The following SUGCT variants were observed in gnomAD, a reference collection of about 807,000 sequenced individuals.
SUGCT encodes the protein succinyl-CoA:glutarate CoA-transferase.
In SUGCT, 41 loss-of-function variants were observed where a neutral mutation model predicts 55.0. The observed-to-expected ratio is 0.74, with a 90% confidence interval of 0.58 to 0.97. The LOEUF is 0.97. Ranked by LOEUF, SUGCT falls within the 50% of genes least tolerant of loss-of-function variation. SUGCT has a pLI of 0.00. For synonymous variants in SUGCT, 187 were observed against 200.4 expected (o/e 0.93, Z 0.56); for missense variants, 568 against 547.8 (o/e 1.04, Z -0.37).
At chr7:40,289,411 G>C (rs1193121103) in intron 8 of SUGCT, among the ~76,000 whole-genome samples, 1 of 152,030 alleles carries the variant, frequency 6.6e-6, no homozygotes, top group Non-Finnish European at 1.5e-5. Flanking sequence ...TAAAATATTT[G>C]AATATGGCCT....
At chr7:40,858,535 T>C (rs1794316391) in intron 13 of SUGCT, among the ~76,000 whole-genome samples, 1 of 152,104 alleles carries the variant, frequency 6.6e-6, no homozygotes. Context: ...GAGGCATATA[T>C]TGCTTCAAGC....
chr7:41,027,030 T>TA, the SUGCT span, among the ~76,000 whole-genome samples: 3 of 151,904 alleles, frequency 2.0e-5, no homozygotes, highest in Admixed American at 6.6e-5. Flanking sequence ...AGACTCCATC[T>TA]AAAAAAAAGT....
At chr7:41,006,448 T>C in the SUGCT span, among the ~76,000 whole-genome samples, 1 of 129,360 alleles carries the variant, frequency 7.7e-6, no homozygotes, top group South Asian at 2.9e-4. Context: ...TACCTTGCCC[T>C]TTTTTTTATA....
rs926077463 is a variant in SUGCT at position 40,252,791 on chromosome 7, G to A, written c.576+15065G>A. On this transcript the variant is annotated intron_variant, in intron 7 of 13. Transcript: ENST00000335693. The stretch of plus-strand genomic sequence containing the variant: ...GCCTCCTAACTAGCTGGGACTATAC[G>A]CACATGCCACCAGGCCTGGCTAATG... Among the ~76,000 whole-genome samples the A allele has an allele frequency of 3.3e-5, 5 of 152,086 alleles. No homozygotes were observed. In the East Asian group the frequency reaches 9.7e-4, roughly 29 times the overall value.
chr7:40,891,164 C>A, the SUGCT span, among the ~76,000 whole-genome samples: 1 of 152,008 alleles, frequency 6.6e-6, no homozygotes, highest in African/African-American at 2.4e-5. Context: ...TTACGACACA[C>A]AATCAAGGGA....
chr7:40,768,177 TC>T (rs1334355691), intron 13 of SUGCT, among the ~76,000 whole-genome samples: 2 of 152,142 alleles, frequency 1.3e-5, no homozygotes, highest in East Asian at 3.9e-4. Context: ...GTCTTGGGCT[TC>T]TTCTCCTCCA....
At chr7:40,232,486 G>A (rs1788776933) in intron 6 of SUGCT, among the ~76,000 whole-genome samples, 1 of 152,136 alleles carries the variant, frequency 6.6e-6, no homozygotes, top group African/African-American at 2.4e-5. Flanking sequence ...TTGTCAAAGG[G>A]ACCTGTGACC....
the SUGCT span, among the ~76,000 whole-genome samples, chr7:40,937,689 A>G: frequency 6.6e-6 from 1 of 151,954 alleles, no homozygotes; most frequent in East Asian, 1.9e-4. Context: ...CTGAACGTCT[A>G]TTTTGCCTGA....
intron 12 of SUGCT, among the ~76,000 whole-genome samples, chr7:40,519,288 T>G (rs1793405019): frequency 6.6e-6 from 1 of 152,090 alleles, no homozygotes; most frequent in African/African-American, 2.4e-5. Flanking sequence ...ATAAGGACAT[T>G]AGTAAAACAG....
rs868479994 is a variant in SUGCT, at chr7:40,351,803, G to A, written c.816+34948G>A. On this transcript the variant is annotated intron_variant, in intron 9 of 13. Transcript: ENST00000335693. ...GTGGAAAATTTGCTACTCTTGTATG[G>A]CTTTCTCAAATGATATATGTGGATT... Among the ~76,000 whole-genome samples the A allele has an allele frequency of 3.3e-5, 5 of 152,194 alleles. No individual in the cohort carries two copies. In the South Asian group the frequency reaches 1.0e-3, roughly 32 times the overall value.
intron 13 of SUGCT, among the ~76,000 whole-genome samples, chr7:40,838,232 C>G (rs1793091316): frequency 6.6e-6 from 1 of 152,154 alleles, no homozygotes; most frequent in Non-Finnish European, 1.5e-5. Flanking sequence ...TTAGCTATTA[C>G]AAATCCTATG....
intron 9 of SUGCT, among the ~76,000 whole-genome samples, chr7:40,364,022 G>T (rs1304115567): frequency 6.6e-6 from 1 of 151,304 alleles, no homozygotes; most frequent in South Asian, 2.1e-4. Flanking sequence ...TATATATTTA[G>T]GATAGTTAGC....
chr7:40,259,467 A>C lies in SUGCT; in HGVS notation c.577-15046A>C, dbSNP rs746484589. ...GACAGTAGATTTTTTAAGCGTTATC[A>C]TAATAAAATATAAGTATATGAAGTA... On this transcript the variant is annotated intron_variant, in intron 7 of 13. Transcript: ENST00000335693. Among the ~76,000 whole-genome samples the C allele has an allele frequency of 2.0e-5, 3 of 152,358 alleles. No homozygotes were observed. The East Asian group carries it at 5.8e-4, about 29-fold the overall frequency.
chr7:40,637,805 A>T (rs2151819380), intron 12 of SUGCT, among the ~76,000 whole-genome samples: 1 of 152,346 alleles, frequency 6.6e-6, no homozygotes, highest in Middle Eastern at 3.4e-3. Context: ...TTGAGATTAT[A>T]ATATGGTGAT....
chr7:40,645,473 A>T (rs571817571), intron 12 of SUGCT, among the ~76,000 whole-genome samples: 12 of 152,300 alleles, frequency 7.9e-5, no homozygotes, highest in Non-Finnish European at 1.2e-4. Context: ...CCACATGAGC[A>T]ATATCTATTC....
chr7:40,882,664 A>G, the SUGCT span, among the ~76,000 whole-genome samples: 1 of 152,240 alleles, frequency 6.6e-6, no homozygotes, highest in Non-Finnish European at 1.5e-5. Flanking sequence ...TAAAGATGTT[A>G]CAGGTGAACA....
At chr7:40,964,968 T>G in the SUGCT span, 1 of 152,230 alleles carries the variant, frequency 6.6e-6, no homozygotes, top group East Asian at 1.9e-4. Context: ...TGTCTAAAGG[T>G]TAAGCACTCT....
intron 7 of SUGCT, among the ~76,000 whole-genome samples, chr7:40,246,985 T>C (rs1415527112): frequency 6.6e-6 from 1 of 152,214 alleles, no homozygotes; most frequent in Non-Finnish European, 1.5e-5. Flanking sequence ...TTTATGAATA[T>C]ACCACAAAGT....
At chr7:40,311,508 G>C (rs1795150541) in intron 8 of SUGCT, among the ~76,000 whole-genome samples, 1 of 152,156 alleles carries the variant, frequency 6.6e-6, no homozygotes, top group African/African-American at 2.4e-5. Flanking sequence ...TGTGGCCTCT[G>C]TCTACCTTTC....
Sources: allele counts gnomAD v4.1 joint callset (sites outside exome capture counted in the v4.1 genomes callset), GRCh38; gene constraint gnomAD v4.1.1; transcripts MANE v1.5; gene names NCBI Gene and HGNC (gene_info 2026-07-23, HGNC 2026-07-21).